MYB: variants seen among roughly 807,000 people sequenced by gnomAD.
MYB encodes the protein transcriptional activator Myb.
A neutral mutation model predicts 92.9 loss-of-function variants in MYB; 28 were observed. That is an observed-to-expected ratio of 0.30 (90% CI 0.22 to 0.41). MYB has a LOEUF of 0.41. MYB is among the 10% of genes least tolerant of loss of function. The pLI is 1.00. For synonymous variants in MYB, 295 were observed against 329.1 expected (o/e 0.90, Z 1.12); for missense variants, 679 against 929.3 (o/e 0.73, Z 3.50).
rs150851007 is a variant in MYB, at chr6:135,215,327, G to A, written c.2170-2537G>A. Reference sequence around the variant, plus strand: ...GGATTCCAAGGCCCTGGTGCCCTGAGCACACAACTTCCCAGGTTCCTTTTA... The same window carrying A: ...GGATTCCAAGGCCCTGGTGCCCTGAACACACAACTTCCCAGGTTCCTTTTA... On this transcript the variant is annotated intron_variant, in intron 15 of 15. Transcript: ENST00000341911. Among the ~76,000 whole-genome samples the A allele has an allele frequency of 3.8e-3, 579 of 152,308 alleles. 1 individual carries two copies. Among genetic ancestry groups the A allele is most frequent in the South Asian group, 6.0e-3 (29 of 4,828 alleles).
chr6:135,201,565 A>G lies in MYB; in HGVS notation c.1951-74A>G, dbSNP rs557506850. On this transcript the variant is annotated intron_variant, in intron 13 of 15. Transcript: ENST00000341911. ...TATAAAAGTATTTGAGGGACTGGCCAGAAATATACTCCTGACTGTACATGT... is the reference window on the plus strand; with the variant it reads ...TATAAAAGTATTTGAGGGACTGGCCGGAAATATACTCCTGACTGTACATGT... The G allele has an allele frequency of 4.7e-5, 45 of 962,902 alleles. No homozygotes were observed. The African/African-American group carries it at 6.7e-4, about 14-fold the overall frequency. 59.6% of individuals were successfully genotyped at this position (962,902 alleles called of 1,614,324 possible).
At position 135,186,034 on chromosome 6, in the gene MYB, T is replaced by A; in HGVS notation, c.141+14T>A. On this transcript the variant is annotated intron_variant, in intron 2 of 15. Transcript: ENST00000341911. ...ACCCGGGAAGAGGTAACTAATCATT[T>A]TATCAAGACGCAGAAAATAGATAGA... 6.2e-7 allele frequency: 1 copy of A among 1,601,630 alleles called. No individual in the cohort carries two copies. Among genetic ancestry groups the A allele is most frequent in the South Asian group, 1.1e-5 (1 of 90,776 alleles).
chr6:135,188,935 G>C (rs532279596), intron 3 of MYB, among the ~76,000 whole-genome samples: 2 of 152,278 alleles, frequency 1.3e-5, no homozygotes, highest in South Asian at 4.1e-4. Context: ...AAACTGCCTT[G>C]ACTTGGCACA....
intron 1 of MYB, 31 bp from the exon 2 acceptor site, chr6:135,185,872 A>G (rs1390058998): frequency 2.6e-6 from 4 of 1,544,364 alleles, no homozygotes; most frequent in Non-Finnish European, 3.6e-6. Flanking sequence ...CTCTTGTTTC[A>G]GCCCACGTCT....
rs765728691 is a variant in MYB, at chr6:135,193,830, G to T, written c.763-8G>T. On this transcript the variant is annotated splice_polypyrimidine_tract_variant and splice_region_variant and intron_variant, in intron 6 of 15. Transcript: ENST00000341911. ...TGACGTGGCCTTTGTTTTGTCTTTTGCATCTAGGTCTCCAGTCATGTTCCA... is the reference window on the plus strand; with the variant it reads ...TGACGTGGCCTTTGTTTTGTCTTTTTCATCTAGGTCTCCAGTCATGTTCCA... The T allele has an allele frequency of 6.2e-7, 1 of 1,603,388 alleles. No individual in the cohort carries two copies. The highest frequency in any genetic ancestry group is 1.1e-5 in the South Asian group (1 of 90,748).
intron 5 of MYB, among the ~76,000 whole-genome samples, chr6:135,191,850 G>T (rs1272305539): frequency 6.6e-6 from 1 of 152,152 alleles, no homozygotes; most frequent in Non-Finnish European, 1.5e-5. Flanking sequence ...TCTCACTAGT[G>T]CTTTGAGAGA....
At chr6:135,212,390 G>A (rs1379311657) in intron 15 of MYB, among the ~76,000 whole-genome samples, 1 of 151,930 alleles carries the variant, frequency 6.6e-6, no homozygotes, top group Non-Finnish European at 1.5e-5. Context: ...TCAGCTTGAT[G>A]AAAAAACTAT....
At chr6:135,204,485 T>C (rs1057468658) in intron 15 of MYB, among the ~76,000 whole-genome samples, 1 of 152,094 alleles carries the variant, frequency 6.6e-6, no homozygotes, top group African/African-American at 2.4e-5. Context: ...TATTTTTGGA[T>C]AGAGACAAGG....
At chr6:135,187,774 A>T in intron 2 of MYB, 60 bp from the exon 3 acceptor site, 1 of 1,165,426 alleles carries the variant, frequency 8.6e-7, no homozygotes, top group South Asian at 1.5e-5. Context: ...ATTCACTTTA[A>T]CTTGAACAGA....
intron 10 of MYB, among the ~76,000 whole-genome samples, chr6:135,198,306 C>A (rs1429715657): frequency 1.3e-5 from 2 of 152,080 alleles, no homozygotes; most frequent in African/African-American, 4.8e-5. Context: ...TAACTGCAGG[C>A]CTTCTCAGAG....
In MYB at chr6:135,218,217, A is replaced by G. The variant is rs945800550; in HGVS notation, c.*237A>G. The G allele has an allele frequency of 1.2e-5, 5 of 427,538 alleles. No homozygotes were observed. The highest frequency in any genetic ancestry group is 8.4e-5 in the African/African-American group (4 of 47,476). 26.5% of individuals were successfully genotyped at this position (427,538 alleles called of 1,614,324 possible). ...CCTAAATTATTAGGTAATGAATTGT[A>G]GCCAGTTGTTAATATCTTAATGCAG... On this transcript the variant is annotated 3_prime_UTR_variant, in exon 16 of 16. Coordinates refer to ENST00000341911, the MANE Select transcript of MYB (RefSeq NM_001130173.2).
rs1215806171 is a variant in MYB at position 135,201,335 on chromosome 6, G to A, written c.1951-304G>A. ...ATGTCACCAAAATAAAATCCTTGAC[G>A]GATACAACACTACTAGGTGTATCAT... On this transcript the variant is annotated intron_variant, in intron 13 of 15. Transcript: ENST00000341911. Among the ~76,000 whole-genome samples, 5 of 152,012 alleles carry A rather than the reference G, an allele frequency of 3.3e-5. No homozygotes were observed. The South Asian group carries it at 8.3e-4, about 25-fold the overall frequency.
At chr6:135,196,644 G>C in intron 9 of MYB, 1 of 876,040 alleles carries the variant, frequency 1.1e-6, no homozygotes, top group South Asian at 1.4e-5. Flanking sequence ...ATCATTTATT[G>C]CACACTCATT....
intron 15 of MYB, among the ~76,000 whole-genome samples, chr6:135,214,778 T>C (rs906346826): frequency 1.3e-5 from 2 of 152,228 alleles, no homozygotes; most frequent in African/African-American, 4.8e-5. Context: ...GTCAATTTCA[T>C]GTTTCGGGAA....
Position 135,203,057 on chromosome 6 carries a change from T to C in MYB, c.2062-160T>C, listed in dbSNP as rs984945895. 4.3e-6 allele frequency: 3 copies of C among 698,294 alleles called. No individual in the cohort carries two copies. In the African/African-American group the frequency reaches 5.3e-5, roughly 12 times the overall value. 43.3% of individuals were successfully genotyped at this position (698,294 alleles called of 1,614,324 possible). The stretch of plus-strand genomic sequence containing the variant: ...TTAAGGTTCAGACATAGTTGATTTC[T>C]CCTTTTAGCTCATAGTGGGGAGAAT... On this transcript the variant is annotated intron_variant, in intron 14 of 15. Coordinates refer to ENST00000341911, the MANE Select transcript of MYB (RefSeq NM_001130173.2).
At chr6:135,217,007 G>A (rs758505072) in intron 15 of MYB, among the ~76,000 whole-genome samples, 21 of 152,204 alleles carry the variant, frequency 1.4e-4, no homozygotes, top group Admixed American at 2.6e-4. Flanking sequence ...TGTGAAATGT[G>A]AAGTGCCACT....
rs1777419184 is a variant in MYB, at chr6:135,197,051, C to T, written c.1294C>T (p.Gln432Ter). 1.2e-6 allele frequency: 2 copies of T among 1,614,044 alleles called. No homozygotes were observed. The highest frequency in any genetic ancestry group is 1.7e-6 in the Non-Finnish European group (2 of 1,179,906). Residue 432 changes from glutamine (Q) to a stop codon, truncating the protein, a stop_gained, in exon 10 of 16, where the codon CAG becomes TAG. Transcript: ENST00000341911. LOFTEE classifies it high-confidence loss of function. ...PSQHHTGKALQLQQREGNGTK... is the reference protein window; with the variant it reads ...PSQHHTGKAL ...CCAACATCACACAGGCAAAGCCCTA[C>T]AGCTTCAGCAAAGAGAGGGCAATGG...
At chr6:135,204,796 G>A (rs955889077) in intron 15 of MYB, among the ~76,000 whole-genome samples, 14 of 152,138 alleles carry the variant, frequency 9.2e-5, no homozygotes, top group African/African-American at 2.7e-4. Flanking sequence ...AGTTGGCCCC[G>A]TGTGGAGAAG....
At position 135,205,580 on chromosome 6, in the gene MYB, CCTGT is replaced by C. The variant is rs556256689; in HGVS notation, c.2169+2259_2169+2262del. ...GCTCTATTTTATTAATCTGTATTCTCCTGTCTATCAGTGAGTCATATTGGCACTT... is the reference window on the plus strand; with the variant it reads ...GCTCTATTTTATTAATCTGTATTCTCCTATCAGTGAGTCATATTGGCACTT... On this transcript the variant is annotated intron_variant, in intron 15 of 15. Transcript: ENST00000341911. 3.8e-3 allele frequency among the ~76,000 whole-genome samples: 580 copies of C among 152,310 alleles called. 1 individual carries two copies. The highest frequency in any genetic ancestry group is 5.6e-3 in the Non-Finnish European group (380 of 68,034).
Sources: gnomAD v4.1 joint callset for allele counts (sites outside exome capture counted in the v4.1 genomes callset) on GRCh38, gnomAD v4.1.1 for gene constraint, MANE v1.5 for transcripts, NCBI Gene and HGNC (gene_info 2026-07-23, HGNC 2026-07-21) for gene names.